Variants in FAS observed in about 807,000 individuals in gnomAD.
The protein encoded by FAS is Fas cell surface death receptor.
FAS carries 5 observed loss-of-function variants against 33.2 expected under a neutral mutation model. That is an observed-to-expected ratio of 0.15 (90% CI 0.08 to 0.32). The LOEUF (loss-of-function observed/expected upper bound fraction) is 0.32. FAS is among the 10% of genes least tolerant of loss of function. The probability of loss-of-function intolerance (pLI) is 1.00; values close to 1 mark genes in which losing one functional copy is unlikely to be tolerated. For missense variants in FAS, 339 were observed against 386.0 expected (o/e 0.88, Z 1.02); for synonymous variants, 131 against 130.7 (o/e 1.00, Z -0.01).
chr10:88,991,108 C>A, intron 1 of FAS: 1 of 653,888 alleles, frequency 1.5e-6, no homozygotes, highest in Non-Finnish European at 2.7e-6. Flanking sequence ...GTGCTCAGAA[C>A]GCTGGAGGAC....
intron 8 of FAS, 48 bp from the exon 9 acceptor site, chr10:89,014,071 G>T: frequency 1.9e-6 from 3 of 1,569,906 alleles, no homozygotes; most frequent in Non-Finnish European, 1.7e-6. Flanking sequence ...TCACTAATGG[G>T]AATTTCATTT....
chr10:88,980,618 T>C (rs1846687861), intron 2 of FAS, among the ~76,000 whole-genome samples: 1 of 152,202 alleles, frequency 6.6e-6, no homozygotes, highest in Non-Finnish European at 1.5e-5. Context: ...TAGGTACTCG[T>C]AAGTATTCGT....
At chr10:88,975,985 T>C (rs1846553392) in intron 2 of FAS, among the ~76,000 whole-genome samples, 1 of 152,234 alleles carries the variant, frequency 6.6e-6, no homozygotes. Context: ...GATGTCTCTT[T>C]CAAGTTTGAG....
rs757780022 is a variant in FAS at position 89,003,183 on chromosome 10, C to G, written c.185C>G (p.Pro62Arg). Residue 62 changes from proline to arginine, a missense_variant, in exon 2 of 9, where the codon CCC (proline) becomes CGC (arginine). Coordinates refer to ENST00000652046, the MANE Select transcript of FAS (RefSeq NM_000043.6). ...LHHDGQFCHK[P>R]CPPGERKARD... ...CATGATGGCCAATTCTGCCATAAGCCCTGTCCTCCAGGTATGTTACACAAA... is the reference window on the plus strand; with the variant it reads ...CATGATGGCCAATTCTGCCATAAGCGCTGTCCTCCAGGTATGTTACACAAA... 2.0e-5 allele frequency: 33 copies of G among 1,614,000 alleles called. No individual in the cohort carries two copies. In the South Asian group the frequency reaches 3.5e-4, roughly 17 times the overall value.
At position 89,016,280 on chromosome 10, in the gene FAS, T is replaced by C. The variant is rs1243038217; in HGVS notation, c.*1830T>C. 1 of 217,552 alleles carries C rather than the reference T, an allele frequency of 4.6e-6. No individual in the cohort carries two copies. Among genetic ancestry groups the C allele is most frequent in the Non-Finnish European group, 9.2e-6 (1 of 108,146 alleles). The allele number at this position is 217,552 out of a possible 1,614,324, so 13.5% of individuals were successfully genotyped here. A position where few individuals can be genotyped will look rare whatever the true frequency, so the allele number is the denominator to read the frequency against. ...CTTAGGGTTCCCTCCTGTGTTATGG[T>C]CTGGAAAGTGTCTTTAGGCAGAAAG... On this transcript the variant is annotated 3_prime_UTR_variant, in exon 9 of 9. Transcript: ENST00000652046.
intron 1 of FAS, among the ~76,000 whole-genome samples, chr10:88,996,736 A>G (rs1847617763): frequency 6.6e-6 from 1 of 152,246 alleles, no homozygotes; most frequent in African/African-American, 2.4e-5. Flanking sequence ...ACATCATGTT[A>G]TATACCATAA....
chr10:89,002,408 A>C (rs138453022), intron 1 of FAS, among the ~76,000 whole-genome samples: 1 of 152,250 alleles, frequency 6.6e-6, no homozygotes, highest in East Asian at 1.9e-4. Context: ...GGGTGAATTT[A>C]GTATATCAAG....
upstream of FAS, among the ~76,000 whole-genome samples, chr10:88,986,868 G>C (rs1839223761): frequency 6.6e-6 from 1 of 152,130 alleles, no homozygotes; most frequent in Non-Finnish European, 1.5e-5. Context: ...AATTTGTCTT[G>C]TGAAGTCACT....
chr10:88,993,079 C>A (rs1156490120), intron 1 of FAS, among the ~76,000 whole-genome samples: 1 of 152,198 alleles, frequency 6.6e-6, no homozygotes, highest in Admixed American at 6.5e-5. Context: ...CTGGTGATAA[C>A]TATAGTCAAC....
At chr10:89,000,671 A>G (rs1164115509) in intron 1 of FAS, among the ~76,000 whole-genome samples, 3 of 151,960 alleles carry the variant, frequency 2.0e-5, no homozygotes, top group African/African-American at 7.3e-5. Context: ...ATACCCCCTC[A>G]TCAATAGGGC....
chr10:88,984,728 T>C (rs1335181302), upstream of FAS, among the ~76,000 whole-genome samples: 1 of 152,120 alleles, frequency 6.6e-6, no homozygotes, highest in Non-Finnish European at 1.5e-5. Context: ...CCAAGTCATA[T>C]AGGAAGAGAC....
At chr10:89,014,056 G>A (rs1589490344) in intron 8 of FAS, 63 bp from the exon 9 acceptor site, 1 of 1,513,324 alleles carries the variant, frequency 6.6e-7, no homozygotes, top group Admixed American at 1.7e-5. Context: ...AAATAAACAT[G>A]GTTTTCACTA....
chr10:88,980,154 G>C (rs1846674849), intron 2 of FAS, among the ~76,000 whole-genome samples: 1 of 151,964 alleles, frequency 6.6e-6, no homozygotes, highest in Admixed American at 6.5e-5. Flanking sequence ...AAATGAAATA[G>C]TTCAGTTTTA....
chr10:88,983,633 A>C (rs1398891193), upstream of FAS, among the ~76,000 whole-genome samples: 9 of 135,990 alleles, frequency 6.6e-5, no homozygotes, highest in South Asian at 4.5e-4. Context: ...AAAAAAAAAA[A>C]AAAAAACACA....
intron 1 of FAS, among the ~76,000 whole-genome samples, chr10:88,972,456 A>T (rs953457234): frequency 6.6e-6 from 1 of 152,124 alleles, no homozygotes; most frequent in African/African-American, 2.4e-5. Flanking sequence ...TATTTGATAC[A>T]GTTCGATTTA....
At chr10:88,993,446 C>A (rs905483615) in intron 1 of FAS, among the ~76,000 whole-genome samples, 8 of 152,088 alleles carry the variant, frequency 5.3e-5, no homozygotes, top group Non-Finnish European at 1.0e-4. Context: ...TCCGAAGCCT[C>A]TAAGAGTCCA....
exon 2 of FAS, chr10:88,973,292 A>G: frequency 3.1e-6 from 5 of 1,612,194 alleles, no homozygotes; most frequent in Non-Finnish European, 4.2e-6. Context: ...CTAGGTCATC[A>G]TCACCATCTG....
intron 2 of FAS, among the ~76,000 whole-genome samples, chr10:88,981,424 C>T (rs988805193): frequency 6.6e-6 from 1 of 151,352 alleles, no homozygotes; most frequent in African/African-American, 2.4e-5. Flanking sequence ...TATCTTCCAT[C>T]GTCGTGATTT....
In FAS at chr10:89,016,493, T is replaced by G. The variant is rs2119487035; in HGVS notation, c.*2043T>G. On this transcript the variant is annotated 3_prime_UTR_variant, in exon 9 of 9. Transcript: ENST00000652046. Reference sequence around the variant, plus strand: ...TAAGTTAGAGAACACCCTATTCCACTTTGGTGAACTCAGAGCAAGAACTTT... The same window carrying G: ...TAAGTTAGAGAACACCCTATTCCACGTTGGTGAACTCAGAGCAAGAACTTT... 4.4e-6 allele frequency: 1 copy of G among 225,628 alleles called. No homozygotes were observed. Among genetic ancestry groups the G allele is most frequent in the African/African-American group, 2.2e-5 (1 of 45,046 alleles). The allele number at this position is 225,628 out of a possible 1,614,324, so 14.0% of individuals were successfully genotyped here.
Sources: allele counts gnomAD v4.1 joint callset (sites outside exome capture counted in the v4.1 genomes callset), GRCh38; gene constraint gnomAD v4.1.1; transcripts MANE v1.5; gene names NCBI Gene and HGNC (gene_info 2026-07-23, HGNC 2026-07-21).